The following RAD51B variants were observed in gnomAD, a reference collection of about 807,000 sequenced individuals.
RAD51B encodes DNA repair protein RAD51 homolog 2.
Under a neutral mutation model 42.2 loss-of-function variants are expected in RAD51B, and 38 were observed. The observed-to-expected ratio is 0.90, with a 90% CI of 0.70 to 1.18. The LOEUF is 1.18. Ranked by LOEUF, RAD51B falls within the 50% of genes most tolerant of loss-of-function variation. The pLI is 0.00. For synonymous variants in RAD51B, 154 were observed against 145.2 expected (o/e 1.06, Z -0.43); for missense variants, 373 against 400.7 (o/e 0.93, Z 0.59).
chr14:68,682,945 A>G (rs1893467477), intron 11 of RAD51B: 1 of 996,784 alleles, frequency 1.0e-6, no homozygotes, highest in African/African-American at 1.8e-5. Flanking sequence ...AGGGCAGTAA[A>G]CAAGAGCTCT....
intron 8 of RAD51B, among the ~76,000 whole-genome samples, chr14:68,308,104 ATGGTATTTTCTCC>A (rs2081903923): frequency 6.6e-6 from 1 of 152,178 alleles, no homozygotes; most frequent in Non-Finnish European, 1.5e-5. Flanking sequence ...TGTACGGTGG[ATGGTATTTTCTCC>A]TGTTGTTTTC....
chr14:67,899,308 CA>C (rs1230355585), intron 7 of RAD51B, among the ~76,000 whole-genome samples: 1 of 152,074 alleles, frequency 6.6e-6, no homozygotes, highest in Non-Finnish European at 1.5e-5. Flanking sequence ...CTTGGCCTCC[CA>C]AAGTGCTGGG....
chr14:68,681,115 G>C (rs74060022), intron 11 of RAD51B, among the ~76,000 whole-genome samples: 2,803 of 152,254 alleles, frequency 0.018, 91 homozygotes, highest in African/African-American at 0.065. Context: ...ACTCTGTCCA[G>C]TAATCCTGTA....
intron 11 of RAD51B, among the ~76,000 whole-genome samples, chr14:68,670,322 A>T (rs1488689504): frequency 6.6e-6 from 1 of 152,130 alleles, no homozygotes; most frequent in Non-Finnish European, 1.5e-5. Context: ...TTTGAGTGAG[A>T]AAGTCATGGT....
At chr14:68,465,949 A>T (rs28616051) in intron 9 of RAD51B, among the ~76,000 whole-genome samples, 3 of 99,968 alleles carry the variant, frequency 3.0e-5, no homozygotes, top group African/African-American at 6.9e-5. Flanking sequence ...TCAAAAAAAA[A>T]AAAAATAAAT....
At chr14:67,850,241 C>A (rs2041759943) in intron 4 of RAD51B, among the ~76,000 whole-genome samples, 1 of 152,184 alleles carries the variant, frequency 6.6e-6, no homozygotes, top group African/African-American at 2.4e-5. Context: ...GCTTTGGCCT[C>A]CAGGGTTGGA....
intron 7 of RAD51B, among the ~76,000 whole-genome samples, chr14:68,151,525 G>A (rs904846528): frequency 6.6e-6 from 1 of 151,572 alleles, no homozygotes; most frequent in African/African-American, 2.4e-5. Flanking sequence ...TCATCTTTGG[G>A]GTCTCTTACT....
chr14:68,563,574 G>C, intron 10 of RAD51B: 1 of 985,464 alleles, frequency 1.0e-6, no homozygotes, highest in South Asian at 4.7e-5. Flanking sequence ...TTTCTTGTGT[G>C]CCTTCAAGCA....
chr14:68,457,857 C>A (rs1176863393), intron 9 of RAD51B, among the ~76,000 whole-genome samples: 1 of 149,412 alleles, frequency 6.7e-6, no homozygotes, highest in African/African-American at 2.5e-5. Context: ...TCGTGATACG[C>A]CCACCTCAGC....
intron 7 of RAD51B, among the ~76,000 whole-genome samples, chr14:68,170,158 C>G (rs2078841228): frequency 6.6e-6 from 1 of 152,092 alleles, no homozygotes; most frequent in Admixed American, 6.6e-5. Flanking sequence ...AGGAGGGAAC[C>G]TACTCTACTT....
At chr14:68,379,176 C>T (rs1038167227) in intron 8 of RAD51B, among the ~76,000 whole-genome samples, 4 of 152,170 alleles carry the variant, frequency 2.6e-5, no homozygotes, top group African/African-American at 9.7e-5. Flanking sequence ...AAATAGCTAG[C>T]TACTCTCACC....
intron 10 of RAD51B, among the ~76,000 whole-genome samples, chr14:68,500,842 A>G (rs1884867210): frequency 6.6e-6 from 1 of 151,912 alleles, no homozygotes; most frequent in Admixed American, 6.6e-5. Context: ...AAATAGAGGC[A>G]CCTCCCCACA....
At chr14:68,009,369 A>G (rs1017824072) in intron 7 of RAD51B, among the ~76,000 whole-genome samples, 6 of 152,048 alleles carry the variant, frequency 3.9e-5, no homozygotes, top group African/African-American at 1.4e-4. Context: ...TAACTTCTCA[A>G]TATCCTTATC....
intron 7 of RAD51B, among the ~76,000 whole-genome samples, chr14:67,909,611 G>A (rs2043897007): frequency 6.6e-6 from 1 of 152,126 alleles, no homozygotes; most frequent in South Asian, 2.1e-4. Context: ...TCAATAAAAT[G>A]CTGTGTAGTC....
intron 7 of RAD51B, among the ~76,000 whole-genome samples, chr14:67,993,142 A>G (rs1358472844): frequency 6.6e-6 from 1 of 152,126 alleles, no homozygotes; most frequent in Non-Finnish European, 1.5e-5. Context: ...AGATATTTTG[A>G]TACAGATACA....
chr14:67,900,632 C>T (rs575422025), intron 7 of RAD51B, among the ~76,000 whole-genome samples: 5 of 142,062 alleles, frequency 3.5e-5, no homozygotes, highest in African/African-American at 1.1e-4. Flanking sequence ...GTGTCATACA[C>T]ACACACACAC....
At chr14:67,897,226 A>G (rs1414761914) in intron 7 of RAD51B, among the ~76,000 whole-genome samples, 1 of 152,220 alleles carries the variant, frequency 6.6e-6, no homozygotes, top group East Asian at 1.9e-4. Flanking sequence ...ACAGGTAACA[A>G]AAGCAAAAAT....
chr14:67,831,353 C>T (rs540363228), intron 3 of RAD51B, among the ~76,000 whole-genome samples: 3 of 152,134 alleles, frequency 2.0e-5, no homozygotes, highest in South Asian at 4.1e-4. Context: ...TACAGTAAGA[C>T]GATAAGTGTA....
chr14:68,127,644 CACACACACACAT>C (rs1313171749), intron 7 of RAD51B, among the ~76,000 whole-genome samples: 1,620 of 130,208 alleles, frequency 0.012, 29 homozygotes, highest in African/African-American at 0.047. Flanking sequence ...CACACACACA[CACACACACACAT>C]ACACACAGTA....
Sources: gnomAD v4.1 joint callset for allele counts (sites outside exome capture counted in the v4.1 genomes callset) on GRCh38, gnomAD v4.1.1 for gene constraint, MANE v1.5 for transcripts, NCBI Gene and HGNC (gene_info 2026-07-23, HGNC 2026-07-21) for gene names.